Variants in MAP2K4 observed in about 807,000 individuals in gnomAD.
MAP2K4 encodes the protein mitogen-activated protein kinase kinase 4.
Under a neutral mutation model 48.5 loss-of-function variants are expected in MAP2K4, and 4 were observed. The ratio of observed to expected loss-of-function variants is 0.08; its 90% CI spans 0.04 to 0.19. The LOEUF (loss-of-function observed/expected upper bound fraction) is 0.19. MAP2K4 is among the 10% of genes least tolerant of loss of function. MAP2K4 has a pLI of 1.00. For missense variants in MAP2K4, 258 were observed against 493.3 expected (o/e 0.52, Z 4.52); for synonymous variants, 166 against 173.1 (o/e 0.96, Z 0.32).
In MAP2K4 at chr17:12,142,348, C is replaced by T. The variant is rs530627261; in HGVS notation, c.*1088C>T. ...GCTTCTTGCCATCACTGGTCCAGGT[C>T]TTCAGTTTCCGAATCTCTTTCCCTT... On this transcript the variant is annotated 3_prime_UTR_variant, in exon 11 of 11. Coordinates refer to ENST00000353533, the MANE Select transcript of MAP2K4 (RefSeq NM_003010.4). 11 of 233,180 alleles carry T rather than the reference C, an allele frequency of 4.7e-5. No homozygotes were observed. Among genetic ancestry groups the T allele is most frequent in the Non-Finnish European group, 7.6e-5 (9 of 117,960 alleles). 14.4% of individuals were successfully genotyped at this position (233,180 alleles called of 1,614,324 possible).
At position 12,090,781 on chromosome 17, in the gene MAP2K4, T is replaced by C. The variant is rs1971537575; in HGVS notation, c.394-4794T>C. On this transcript the variant is annotated intron_variant, in intron 3 of 10. Coordinates refer to ENST00000353533, the MANE Select transcript of MAP2K4 (RefSeq NM_003010.4). ...TAAGAAGGGAATAAATTAGTTTTCC[T>C]TGACAGTATATACTGCCTGTTTCTG... Among the ~76,000 whole-genome samples the C allele has an allele frequency of 2.0e-5, 3 of 152,354 alleles. No individual in the cohort carries two copies. In the South Asian group the frequency reaches 6.2e-4, roughly 32 times the overall value.
At chr17:12,137,170 T>A (rs188445302) in intron 9 of MAP2K4, among the ~76,000 whole-genome samples, 16 of 152,318 alleles carry the variant, frequency 1.1e-4, no homozygotes, top group Admixed American at 5.9e-4. Flanking sequence ...TCATAGTGAT[T>A]AGTGGGGCAC....
At chr17:12,090,177 C>G (rs1487586048) in intron 3 of MAP2K4, among the ~76,000 whole-genome samples, 7 of 152,148 alleles carry the variant, frequency 4.6e-5, no homozygotes, top group Admixed American at 4.6e-4. Flanking sequence ...GGAATGGGAT[C>G]AGGTAACCCA....
intron 1 of MAP2K4, among the ~76,000 whole-genome samples, chr17:12,034,703 T>C (rs1241229404): frequency 1.3e-5 from 2 of 152,214 alleles, no homozygotes; most frequent in African/African-American, 4.8e-5. Context: ...CAACCACCGA[T>C]GTTACATACT....
At chr17:12,118,129 AT>A (rs1972561412) in intron 7 of MAP2K4, among the ~76,000 whole-genome samples, 1 of 152,230 alleles carries the variant, frequency 6.6e-6, no homozygotes, top group African/African-American at 2.4e-5. Context: ...GTGATAAAGC[AT>A]CTGCTGATCA....
intron 9 of MAP2K4, 144 bp from the exon 10 acceptor site, chr17:12,139,695 C>T (rs1179046405): frequency 5.6e-6 from 3 of 540,252 alleles, no homozygotes; most frequent in Non-Finnish European, 9.9e-6. Flanking sequence ...TGTGCTTTTA[C>T]TGTGTTTAGC....
At chr17:12,111,797 T>C (rs544862883) in intron 6 of MAP2K4, among the ~76,000 whole-genome samples, 2 of 152,100 alleles carry the variant, frequency 1.3e-5, no homozygotes, top group Admixed American at 1.3e-4. Context: ...TCATTATCTG[T>C]CATAATTAGT....
intron 1 of MAP2K4, among the ~76,000 whole-genome samples, chr17:12,024,795 G>A (rs1418058668): frequency 1.3e-5 from 2 of 152,168 alleles, no homozygotes; most frequent in African/African-American, 4.8e-5. Flanking sequence ...CCAACCTAAA[G>A]TACGGAATTG....
At chr17:12,061,897 T>TG (rs1229535284) in intron 2 of MAP2K4, among the ~76,000 whole-genome samples, 16 of 105,582 alleles carry the variant, frequency 1.5e-4, no homozygotes, top group Non-Finnish European at 2.2e-4. Flanking sequence ...TTTCAGTGTG[T>TG]TTTTTTTTAA....
rs888231988 is a variant in MAP2K4 at position 12,126,156 on chromosome 17, C to T, written c.891+785C>T. Among the ~76,000 whole-genome samples, 6 of 152,164 alleles carry T rather than the reference C, an allele frequency of 3.9e-5. No homozygotes were observed. In the South Asian group the frequency reaches 8.3e-4, roughly 21 times the overall value. On this transcript the variant is annotated intron_variant, in intron 8 of 10. Transcript: ENST00000353533. Reference sequence around the variant, plus strand: ...CCTTCAACACATAGGGATTATAATTCGAAATGAAATTTGGGTGGGGACACA... The same window carrying T: ...CCTTCAACACATAGGGATTATAATTTGAAATGAAATTTGGGTGGGGACACA...
intron 7 of MAP2K4, among the ~76,000 whole-genome samples, chr17:12,121,530 G>A (rs963158461): frequency 6.8e-6 from 1 of 146,244 alleles, no homozygotes; most frequent in African/African-American, 2.5e-5. Context: ...AGCCGAGATC[G>A]CGCCACTGCA....
chr17:12,055,924 T>A (rs1254442820), intron 2 of MAP2K4, among the ~76,000 whole-genome samples: 1 of 152,090 alleles, frequency 6.6e-6, no homozygotes, highest in African/African-American at 2.4e-5. Context: ...GTCTATTAAT[T>A]TTATTAGACT....
At chr17:12,024,234 G>GCT (rs1969186126) in intron 1 of MAP2K4, among the ~76,000 whole-genome samples, 1 of 152,106 alleles carries the variant, frequency 6.6e-6, no homozygotes, top group South Asian at 2.1e-4. Flanking sequence ...CTATCAATTT[G>GCT]CTCTACTCAT....
At chr17:12,101,553 A>C (rs1971936512) in intron 4 of MAP2K4, among the ~76,000 whole-genome samples, 1 of 152,116 alleles carries the variant, frequency 6.6e-6, no homozygotes, top group African/African-American at 2.4e-5. Context: ...AAAAAAACCA[A>C]CAACAAAAAA....
intron 2 of MAP2K4, among the ~76,000 whole-genome samples, chr17:12,080,145 AAAGTT>A (rs1198580992): frequency 1.3e-4 from 20 of 152,204 alleles, no homozygotes; most frequent in Non-Finnish European, 7.3e-5. Flanking sequence ...GGTAGATTTT[AAAGTT>A]CTAAGTTTTT....
chr17:12,084,721 T>G (rs1369271840), intron 3 of MAP2K4, among the ~76,000 whole-genome samples: 1 of 152,162 alleles, frequency 6.6e-6, no homozygotes, highest in Non-Finnish European at 1.5e-5. Context: ...ACACATCAAT[T>G]AACATATAGA....
At chr17:12,129,040 A>T in intron 8 of MAP2K4, 99 bp from the exon 9 acceptor site, 2 of 1,100,726 alleles carry the variant, frequency 1.8e-6, no homozygotes, top group Non-Finnish European at 2.6e-6. Flanking sequence ...AGGCTTTACT[A>T]GAGTTTTGCT....
chr17:12,126,000 G>A (rs1303939528), intron 8 of MAP2K4, among the ~76,000 whole-genome samples: 2 of 152,146 alleles, frequency 1.3e-5, no homozygotes, highest in South Asian at 2.1e-4. Context: ...AGGGGAGAGA[G>A]AGAGTGAAGG....
intron 2 of MAP2K4, among the ~76,000 whole-genome samples, chr17:12,073,786 TTTCTGAGACGGAGTCTCGTA>T (rs1211367032): frequency 6.6e-6 from 1 of 151,442 alleles, no homozygotes; most frequent in Non-Finnish European, 1.5e-5. Flanking sequence ...TTTTTTTTTT[TTTCTGAGACGGAGTCTCGTA>T]CTGTTGCCTG....
Sources: allele counts gnomAD v4.1 joint callset (sites outside exome capture counted in the v4.1 genomes callset), GRCh38; gene constraint gnomAD v4.1.1; transcripts MANE v1.5; gene names NCBI Gene and HGNC (gene_info 2026-07-23, HGNC 2026-07-21).